Variants in PDZRN3 observed in about 807,000 individuals in gnomAD.
PDZRN3 encodes the protein PDZ domain containing ring finger 3, also known as E3 ubiquitin-protein ligase PDZRN3.
Under a neutral mutation model 85.7 loss-of-function variants are expected in PDZRN3, and 38 were observed. That is an observed-to-expected ratio of 0.44 (90% CI 0.34 to 0.58). PDZRN3 has a LOEUF of 0.58. Ranked by LOEUF, PDZRN3 falls within the 20% of genes least tolerant of loss-of-function variation. The pLI, the probability that PDZRN3 is intolerant of heterozygous loss-of-function variation, is 0.01. For missense variants in PDZRN3, 1,629 were observed against 1,506.4 expected (o/e 1.08, Z -1.35); for synonymous variants, 759 against 638.0 (o/e 1.19, Z -2.86).
At chr3:73,400,637 T>G (rs1374955515) in intron 5 of PDZRN3, among the ~76,000 whole-genome samples, 2 of 152,186 alleles carry the variant, frequency 1.3e-5, no homozygotes, top group African/African-American at 4.8e-5. Flanking sequence ...ATGTATGGAT[T>G]ATGTGGATTC....
chr3:73,590,475 C>A (rs1293735985), intron 3 of PDZRN3, among the ~76,000 whole-genome samples: 1 of 152,056 alleles, frequency 6.6e-6, no homozygotes, highest in Non-Finnish European at 1.5e-5. Context: ...GGTTCACATA[C>A]CAGAGGGAAT....
At chr3:73,479,456 C>G (rs1463786075) in intron 3 of PDZRN3, among the ~76,000 whole-genome samples, 1 of 152,106 alleles carries the variant, frequency 6.6e-6, no homozygotes, top group Non-Finnish European at 1.5e-5. Flanking sequence ...AATAACTCTC[C>G]AGGAATACCG....
chr3:73,492,984 C>CTTTTT (rs5850113), intron 3 of PDZRN3, among the ~76,000 whole-genome samples: 22,529 of 103,764 alleles, frequency 0.22, 3,130 homozygotes, highest in Non-Finnish European at 0.31. Flanking sequence ...GCTTTTCAAC[C>CTTTTT]TTTTTTTTTT....
rs183930015 is a variant in PDZRN3, at chr3:73,386,262, C to T, written c.1519-477G>A. Among the ~76,000 whole-genome samples the T allele has an allele frequency of 4.4e-3, 442 of 100,144 alleles. 3 individuals carry two copies. Among genetic ancestry groups the T allele is most frequent in the Non-Finnish European group, 4.8e-3 (264 of 55,370 alleles). The allele number at this position is 100,144 out of a possible 152,430, so 65.7% of individuals were successfully genotyped here. A position where few individuals can be genotyped will look rare whatever the true frequency, so the allele number is the denominator to read the frequency against. ...TTTTTTTTTGAGACAGAATCTCACT[C>T]TGTCTCCCAGGCTGGAGTGCAGTGG... On this transcript the variant is annotated intron_variant, in intron 8 of 9. Transcript: ENST00000263666.
At chr3:73,474,426 T>C in intron 3 of PDZRN3, 8 of 1,195,216 alleles carry the variant, frequency 6.7e-6, no homozygotes, top group Non-Finnish European at 8.8e-6. Flanking sequence ...ATCTTATTCA[T>C]TAAAAAAGGT....
chr3:73,554,866 G>A (rs1181823302), intron 3 of PDZRN3, among the ~76,000 whole-genome samples: 1 of 152,200 alleles, frequency 6.6e-6, no homozygotes, highest in Non-Finnish European at 1.5e-5. Context: ...GGGTGAACCA[G>A]AACAATTCTG....
rs143925918 is a variant in PDZRN3, at chr3:73,545,906, T to G, written c.918+56448A>C. On this transcript the variant is annotated intron_variant, in intron 3 of 9. Transcript: ENST00000263666. ...GGTTGGTGGGAGGTGAGGGGGAGGA[T>G]CGGAGGATCTTTTATTTTTTTAACA... 2.2e-3 allele frequency among the ~76,000 whole-genome samples: 339 copies of G among 152,094 alleles called. 1 individual carries two copies. The highest frequency in any genetic ancestry group is 7.9e-3 in the African/African-American group (328 of 41,500).
chr3:73,604,810 T>A (rs1702570622), intron 2 of PDZRN3, among the ~76,000 whole-genome samples: 1 of 152,092 alleles, frequency 6.6e-6, no homozygotes, highest in Non-Finnish European at 1.5e-5. Flanking sequence ...ACATAAGTAA[T>A]AACTCTTAAG....
chr3:73,457,629 A>G (rs1018407533), intron 3 of PDZRN3, among the ~76,000 whole-genome samples: 1 of 152,082 alleles, frequency 6.6e-6, no homozygotes, highest in African/African-American at 2.4e-5. Flanking sequence ...TTGCCACCAC[A>G]GAGATGTTAC....
intron 3 of PDZRN3, among the ~76,000 whole-genome samples, chr3:73,593,095 A>T (rs1162523137): frequency 3.1e-5 from 2 of 63,670 alleles, no homozygotes; most frequent in African/African-American, 6.5e-5. Context: ...AAACTTCCTT[A>T]AAAAAAAAAA....
chr3:73,551,688 CAAAAAAAA>C (rs71126878), intron 3 of PDZRN3, among the ~76,000 whole-genome samples: 24 of 104,584 alleles, frequency 2.3e-4, no homozygotes, highest in African/African-American at 8.0e-4. Flanking sequence ...GACCCTGTTT[CAAAAAAAA>C]AAAAAAAAAA....
intron 3 of PDZRN3, among the ~76,000 whole-genome samples, chr3:73,486,543 T>C (rs988121854): frequency 6.6e-6 from 1 of 152,168 alleles, no homozygotes; most frequent in Non-Finnish European, 1.5e-5. Flanking sequence ...GGTTAAGAAA[T>C]AGAAGTGATG....
intron 3 of PDZRN3, among the ~76,000 whole-genome samples, chr3:73,487,201 A>G (rs1306846768): frequency 6.6e-6 from 1 of 152,158 alleles, no homozygotes; most frequent in Non-Finnish European, 1.5e-5. Flanking sequence ...TATTTCCTAC[A>G]TGATAGTGTC....
At chr3:73,542,140 A>G (rs1207055916) in intron 3 of PDZRN3, among the ~76,000 whole-genome samples, 1 of 152,236 alleles carries the variant, frequency 6.6e-6, no homozygotes, top group Non-Finnish European at 1.5e-5. Context: ...TAAACAACCT[A>G]AGGAAAAAAG....
intron 3 of PDZRN3, among the ~76,000 whole-genome samples, chr3:73,435,828 C>T (rs570040659): frequency 2.0e-5 from 3 of 152,188 alleles, no homozygotes; most frequent in Admixed American, 1.3e-4. Context: ...ATGACTCCAC[C>T]GTTTGCTGAA....
At chr3:73,463,336 G>A (rs1387107830) in intron 3 of PDZRN3, among the ~76,000 whole-genome samples, 5 of 152,168 alleles carry the variant, frequency 3.3e-5, no homozygotes, top group Non-Finnish European at 5.9e-5. Flanking sequence ...ACTCTGAAAA[G>A]GTGTTGTCCC....
intron 3 of PDZRN3, among the ~76,000 whole-genome samples, chr3:73,439,051 T>C (rs1355400231): frequency 6.6e-6 from 1 of 152,204 alleles, no homozygotes; most frequent in African/African-American, 2.4e-5. Context: ...CTGCACACTT[T>C]CCCAGGTGCC....
chr3:73,588,220 G>T (rs932198484), intron 3 of PDZRN3, among the ~76,000 whole-genome samples: 1 of 152,150 alleles, frequency 6.6e-6, no homozygotes, highest in Non-Finnish European at 1.5e-5. Context: ...TGCTGAGGAT[G>T]ATGGCTTCCA....
At chr3:73,615,207 G>T (rs138643240) in intron 1 of PDZRN3, among the ~76,000 whole-genome samples, 11 of 152,006 alleles carry the variant, frequency 7.2e-5, no homozygotes, top group African/African-American at 2.7e-4. Context: ...TACTTTCCTC[G>T]TTTAAAAAAG....
Sources: allele counts gnomAD v4.1 joint callset (sites outside exome capture counted in the v4.1 genomes callset), GRCh38; gene constraint gnomAD v4.1.1; transcripts MANE v1.5; gene names NCBI Gene and HGNC (gene_info 2026-07-23, HGNC 2026-07-21).